KCNH7: variants seen among roughly 807,000 people sequenced by gnomAD.
KCNH7 encodes voltage-gated inwardly rectifying potassium channel KCNH7.
Under a neutral mutation model 120.8 loss-of-function variants are expected in KCNH7, and 49 were observed. The observed-to-expected ratio is 0.41, with a 90% CI of 0.32 to 0.51. The LOEUF (loss-of-function observed/expected upper bound fraction) is 0.51. Ranked by LOEUF, KCNH7 falls within the 20% of genes least tolerant of loss-of-function variation. KCNH7 has a pLI of 0.38. For synonymous variants in KCNH7, 547 were observed against 516.1 expected (o/e 1.06, Z -0.81); for missense variants, 1,097 against 1,446.6 (o/e 0.76, Z 3.92).
intron 2 of KCNH7, among the ~76,000 whole-genome samples, chr2:162,560,089 G>C (rs181123064): frequency 6.6e-6 from 1 of 152,330 alleles, no homozygotes; most frequent in African/African-American, 2.4e-5. Flanking sequence ...TCGAAAAGTA[G>C]AGAGGATGCC....
rs1430561686 is a variant in KCNH7, at chr2:162,398,164, G to A, written c.2408-1219C>T. On this transcript the variant is annotated intron_variant, in intron 10 of 15. Transcript: ENST00000332142. ...TGGCAATGTAAAATAGTACTCTCCT[G>A]TGTCTATCCTGAAGCTTCTTTTCAT... is the stretch of plus-strand genomic sequence containing the variant. 1.3e-5 allele frequency among the ~76,000 whole-genome samples: 2 copies of A among 151,710 alleles called. 1 individual carries two copies. Among genetic ancestry groups the A allele is most frequent in the East Asian group, 3.9e-4 (2 of 5,136 alleles).
intron 2 of KCNH7, among the ~76,000 whole-genome samples, chr2:162,811,972 C>G (rs1326534190): frequency 6.6e-6 from 1 of 152,114 alleles, no homozygotes; most frequent in Non-Finnish European, 1.5e-5. Flanking sequence ...GGCTCATGTA[C>G]TTTATCTTTT....
intron 2 of KCNH7, among the ~76,000 whole-genome samples, chr2:162,593,429 T>A (rs190218171): frequency 6.6e-6 from 1 of 152,164 alleles, no homozygotes; most frequent in African/African-American, 2.4e-5. Flanking sequence ...GCAGAGTCAA[T>A]CTTAGTCTAG....
At chr2:162,398,975 C>T (rs1686994836) in intron 10 of KCNH7, among the ~76,000 whole-genome samples, 1 of 151,752 alleles carries the variant, frequency 6.6e-6, no homozygotes, top group East Asian at 1.9e-4. Context: ...CATCTTTATT[C>T]ATGTATTTGA....
At chr2:162,450,334 A>G (rs1053101306) in intron 6 of KCNH7, among the ~76,000 whole-genome samples, 2 of 152,114 alleles carry the variant, frequency 1.3e-5, no homozygotes, top group African/African-American at 4.8e-5. Flanking sequence ...TTTGGTATGT[A>G]TAACAATGGA....
At chr2:162,748,866 C>CCTCCCCCCCT (rs1688420909) in intron 2 of KCNH7, among the ~76,000 whole-genome samples, 1 of 78,754 alleles carries the variant, frequency 1.3e-5, no homozygotes, top group Non-Finnish European at 2.3e-5. Flanking sequence ...CCTTCCCTCC[C>CCTCCCCCCCT]CTCCCCCTTC....
intron 2 of KCNH7, among the ~76,000 whole-genome samples, chr2:162,579,663 C>T (rs146435606): frequency 6.6e-6 from 1 of 151,940 alleles, no homozygotes; most frequent in East Asian, 1.9e-4. Flanking sequence ...TGAAAAGTAC[C>T]ATTTATTGAA....
At chr2:162,470,553 G>A (rs577293575) in intron 6 of KCNH7, among the ~76,000 whole-genome samples, 2 of 152,078 alleles carry the variant, frequency 1.3e-5, no homozygotes, top group Admixed American at 1.3e-4. Context: ...CCGCCCGGCA[G>A]CCACCCCGTC....
intron 2 of KCNH7, among the ~76,000 whole-genome samples, chr2:162,609,856 C>T (rs192145676): frequency 1.1e-4 from 17 of 152,080 alleles, no homozygotes; most frequent in East Asian, 3.9e-4. Context: ...ACTCTGGGGA[C>T]GGGTCTGGTC....
At position 162,572,736 on chromosome 2, in the gene KCNH7, C is replaced by T. The variant is rs371604262; in HGVS notation, c.308-35656G>A. Among the ~76,000 whole-genome samples the T allele has an allele frequency of 2.9e-4, 41 of 140,674 alleles. No homozygotes were observed. In the East Asian group the frequency reaches 6.2e-3, roughly 21 times the overall value. 92.3% of individuals were successfully genotyped at this position (140,674 alleles called of 152,430 possible). A position where few individuals can be genotyped will look rare whatever the true frequency, so the allele number is the denominator to read the frequency against. Reference sequence around the variant, plus strand: ...GCAGCCATAAAAAATGATGAGTTCACGTCCTTTGTAGGGACATGGATGAAA... The same window carrying T: ...GCAGCCATAAAAAATGATGAGTTCATGTCCTTTGTAGGGACATGGATGAAA... On this transcript the variant is annotated intron_variant, in intron 2 of 15. Coordinates refer to ENST00000332142, the MANE Select transcript of KCNH7 (RefSeq NM_033272.4).
intron 2 of KCNH7, among the ~76,000 whole-genome samples, chr2:162,644,992 C>A (rs540177146): frequency 1.3e-5 from 2 of 152,154 alleles, no homozygotes; most frequent in East Asian, 3.9e-4. Flanking sequence ...AAAATCATTA[C>A]CATTTTGCCT....
chr2:162,584,401 C>T (rs567353841), intron 2 of KCNH7, among the ~76,000 whole-genome samples: 2 of 152,154 alleles, frequency 1.3e-5, no homozygotes, highest in South Asian at 4.1e-4. Context: ...CTTTCAAGAA[C>T]CTCAGATATT....
intron 2 of KCNH7, among the ~76,000 whole-genome samples, chr2:162,648,266 C>T (rs536603599): frequency 6.6e-6 from 1 of 152,164 alleles, no homozygotes; most frequent in South Asian, 2.1e-4. Flanking sequence ...AGCACATCTT[C>T]ACATGGTGGG....
intron 8 of KCNH7, among the ~76,000 whole-genome samples, chr2:162,431,787 G>A (rs1183618298): frequency 6.6e-6 from 1 of 151,352 alleles, no homozygotes; most frequent in African/African-American, 2.4e-5. Context: ...AATAGAAATA[G>A]TCTAGTGCTA....
At chr2:162,788,832 C>G (rs2105512473) in intron 2 of KCNH7, among the ~76,000 whole-genome samples, 1 of 151,776 alleles carries the variant, frequency 6.6e-6, no homozygotes. Context: ...ATATTACAGT[C>G]AAATTCTCAA....
chr2:162,403,245 A>T (rs951470771), intron 9 of KCNH7, among the ~76,000 whole-genome samples: 1 of 151,934 alleles, frequency 6.6e-6, no homozygotes, highest in Non-Finnish European at 1.5e-5. Flanking sequence ...GGTCTGCCTG[A>T]TAGGGTATTC....
chr2:162,835,314 T>C (rs1240593594), intron 2 of KCNH7, among the ~76,000 whole-genome samples: 1 of 152,086 alleles, frequency 6.6e-6, no homozygotes, highest in Non-Finnish European at 1.5e-5. Flanking sequence ...GAATTGTACA[T>C]TGTACATTGA....
intron 2 of KCNH7, among the ~76,000 whole-genome samples, chr2:162,702,607 CAT>C (rs1259518425): frequency 1.3e-5 from 2 of 152,112 alleles, no homozygotes; most frequent in African/African-American, 2.4e-5. Flanking sequence ...GAATTTAAGA[CAT>C]GTGTTCCAAT....
chr2:162,522,306 C>A (rs936561575), intron 3 of KCNH7, among the ~76,000 whole-genome samples: 1 of 151,862 alleles, frequency 6.6e-6, no homozygotes. Flanking sequence ...ATTTACTTTA[C>A]ACTCCTCCTT....
Sources: gnomAD v4.1 joint callset for allele counts (sites outside exome capture counted in the v4.1 genomes callset) on GRCh38, gnomAD v4.1.1 for gene constraint, MANE v1.5 for transcripts, NCBI Gene and HGNC (gene_info 2026-07-23, HGNC 2026-07-21) for gene names.